The following SCN9A variants were observed in gnomAD, a reference collection of about 807,000 sequenced individuals.
SCN9A encodes sodium channel protein type 9 subunit alpha.
Under a neutral mutation model 187.0 loss-of-function variants are expected in SCN9A, and 131 were observed. The ratio of observed to expected loss-of-function variants is 0.70; its 90% CI spans 0.61 to 0.81. The LOEUF (loss-of-function observed/expected upper bound fraction) is 0.81. Ranked by LOEUF, SCN9A falls within the 30% of genes least tolerant of loss-of-function variation. The probability of loss-of-function intolerance (pLI) is 0.00; values close to 1 mark genes in which losing one functional copy is unlikely to be tolerated. For missense variants in SCN9A, 2,252 were observed against 2,396.6 expected (o/e 0.94, Z 1.26); for synonymous variants, 809 against 808.6 (o/e 1.00, Z -0.01).
intron 14 of SCN9A, among the ~76,000 whole-genome samples, chr2:166,278,905 G>A (rs933140372): frequency 5.3e-5 from 8 of 152,084 alleles, no homozygotes; most frequent in Admixed American, 5.2e-4. Flanking sequence ...CACTTAAAAA[G>A]GCAACACCGA....
intron 7 of SCN9A, among the ~76,000 whole-genome samples, chr2:166,297,120 C>A (rs1698338221): frequency 7.1e-6 from 1 of 141,242 alleles, no homozygotes; most frequent in South Asian, 2.3e-4. Context: ...TGGTGTGAAC[C>A]CGGGAGGCGG....
chr2:166,374,117 A>T (rs1700628946), intron 1 of SCN9A, among the ~76,000 whole-genome samples: 1 of 152,182 alleles, frequency 6.6e-6, no homozygotes, highest in African/African-American at 2.4e-5. Flanking sequence ...GAGGCCCAAG[A>T]TGCTTTTGGC....
intron 1 of SCN9A, among the ~76,000 whole-genome samples, chr2:166,352,736 T>C (rs1700061164): frequency 6.6e-6 from 1 of 152,192 alleles, no homozygotes; most frequent in Non-Finnish European, 1.5e-5. Flanking sequence ...ATATTGAGAC[T>C]TCCACGTTAA....
chr2:166,292,320 A>G (rs1395129141), intron 9 of SCN9A, among the ~76,000 whole-genome samples: 1 of 152,152 alleles, frequency 6.6e-6, no homozygotes, highest in Non-Finnish European at 1.5e-5. Flanking sequence ...AACTGATATT[A>G]AATGAAAAAT....
chr2:166,306,887 A>G, intron 3 of SCN9A, 69 bp downstream of exon 3: 1 of 836,370 alleles, frequency 1.2e-6, no homozygotes, highest in Admixed American at 2.4e-5. Context: ...TATAACATCT[A>G]TATTTGAATA....
At chr2:166,305,219 A>G (rs1216031967) in intron 5 of SCN9A, among the ~76,000 whole-genome samples, 2 of 152,112 alleles carry the variant, frequency 1.3e-5, no homozygotes, top group East Asian at 3.8e-4. Context: ...TGATAAATAC[A>G]TTTGGGAAAA....
chr2:166,220,942 T>C (rs1005038116), intron 24 of SCN9A, among the ~76,000 whole-genome samples: 3 of 152,096 alleles, frequency 2.0e-5, no homozygotes, highest in Non-Finnish European at 4.4e-5. Context: ...CTGTTAGAAC[T>C]AATAAACAAA....
At chr2:166,309,082 A>T (rs1698856820) in intron 2 of SCN9A, among the ~76,000 whole-genome samples, 1 of 152,100 alleles carries the variant, frequency 6.6e-6, no homozygotes, top group African/African-American at 2.4e-5. Flanking sequence ...ATAAGGCAAG[A>T]TGTGACAGAT....
At chr2:166,347,791 C>T (rs1380711730) in intron 1 of SCN9A, among the ~76,000 whole-genome samples, 1 of 152,038 alleles carries the variant, frequency 6.6e-6, no homozygotes, top group African/African-American at 2.4e-5. Flanking sequence ...GTAACCCAGC[C>T]CCATTCTTCA....
intron 1 of SCN9A, among the ~76,000 whole-genome samples, chr2:166,319,319 T>C (rs966265713): frequency 6.6e-6 from 1 of 150,736 alleles, no homozygotes; most frequent in Admixed American, 6.7e-5. Context: ...TTTATCTTTT[T>C]TTTTTAAGTT....
At chr2:166,308,498 C>G (rs1698830972) in intron 2 of SCN9A, among the ~76,000 whole-genome samples, 1 of 152,168 alleles carries the variant, frequency 6.6e-6, no homozygotes, top group Non-Finnish European at 1.5e-5. Flanking sequence ...ATGTGCCTTG[C>G]TTCCCCTTTG....
chr2:166,298,980 C>A (rs535989026), intron 7 of SCN9A: 4 of 152,266 alleles, frequency 2.6e-5, no homozygotes, highest in African/African-American at 9.6e-5. Context: ...AGGCAATGAT[C>A]CCATCTTATA....
chr2:166,250,968 G>A (rs1235721532), intron 18 of SCN9A, among the ~76,000 whole-genome samples: 1 of 151,002 alleles, frequency 6.6e-6, no homozygotes, highest in East Asian at 2.0e-4. Context: ...GGAGGAAGCT[G>A]TAAACCATAC....
chr2:166,347,326 CAAGT>C (rs1480518687), intron 1 of SCN9A, among the ~76,000 whole-genome samples: 1 of 152,152 alleles, frequency 6.6e-6, no homozygotes, highest in Admixed American at 6.5e-5. Context: ...AATAGGACAT[CAAGT>C]AATTATTTCA....
intron 21 of SCN9A, among the ~76,000 whole-genome samples, chr2:166,232,834 TTATA>T (rs1309982420): frequency 2.7e-5 from 4 of 147,814 alleles, no homozygotes; most frequent in Non-Finnish European, 4.5e-5. Flanking sequence ...TATGCATATT[TTATA>T]TATAGTCTTT....
chr2:166,264,298 G>A (rs1696640319), intron 17 of SCN9A, among the ~76,000 whole-genome samples: 2 of 151,934 alleles, frequency 1.3e-5, no homozygotes, highest in South Asian at 4.1e-4. Context: ...AGCCTGTGTA[G>A]TGTGTTGTTA....
At chr2:166,244,858 C>G (rs1025677696) in intron 18 of SCN9A, among the ~76,000 whole-genome samples, 7 of 151,978 alleles carry the variant, frequency 4.6e-5, no homozygotes, top group Admixed American at 4.6e-4. Context: ...TCTCCAAGCA[C>G]TACAAATGAG....
chr2:166,301,489 C>T (rs533937546), intron 7 of SCN9A: 3 of 150,956 alleles, frequency 2.0e-5, no homozygotes, highest in Admixed American at 6.6e-5. Flanking sequence ...TGAGTGCTGC[C>T]TAAATCATTA....
chr2:166,352,099 C>T (rs1700047052), intron 1 of SCN9A, among the ~76,000 whole-genome samples: 1 of 151,970 alleles, frequency 6.6e-6, no homozygotes, highest in Non-Finnish European at 1.5e-5. Flanking sequence ...GCCCTAAACC[C>T]GTAAAATGGG....
Sources: allele counts gnomAD v4.1 joint callset (sites outside exome capture counted in the v4.1 genomes callset), GRCh38; gene constraint gnomAD v4.1.1; transcripts MANE v1.5; gene names NCBI Gene and HGNC (gene_info 2026-07-23, HGNC 2026-07-21).